PFKFB4: variants seen among roughly 807,000 people sequenced by gnomAD.
PFKFB4 encodes 6-phosphofructo-2-kinase/fructose-2,6-bisphosphatase 4.
PFKFB4 carries 42 observed loss-of-function variants against 62.8 expected under a neutral mutation model. That is an observed-to-expected ratio of 0.67 (90% CI 0.52 to 0.86). The LOEUF (loss-of-function observed/expected upper bound fraction) is 0.86, where lower values mean the gene tolerates loss of function less well. Among genes scored for constraint, PFKFB4 ranks in the 40% least tolerant of loss-of-function variants. PFKFB4 has a pLI of 0.00. For missense variants in PFKFB4, 475 were observed against 627.2 expected, an observed-to-expected ratio of 0.76 and a Z score of 2.59; for synonymous variants, 204 against 240.7, an observed-to-expected ratio of 0.85 and a Z score of 1.41.
At chr3:48,525,726 G>T in intron 9 of PFKFB4, 57 bp from the exon 10 acceptor site, 1 of 918,032 alleles carries the variant, frequency 1.1e-6, no homozygotes, top group Non-Finnish European at 1.7e-6. Flanking sequence ...GAGCCTTGGG[G>T]ACATGTGGGG....
At chr3:48,537,821 G>C (rs114084965) in intron 7 of PFKFB4, among the ~76,000 whole-genome samples, 1 of 151,988 alleles carries the variant, frequency 6.6e-6, no homozygotes, top group Non-Finnish European at 1.5e-5. Flanking sequence ...CACTCTGCCC[G>C]GCCCGTATTA....
At chr3:48,524,454 A>G (rs1175357615) in intron 10 of PFKFB4, among the ~76,000 whole-genome samples, 2 of 152,224 alleles carry the variant, frequency 1.3e-5, no homozygotes, top group East Asian at 3.8e-4. Flanking sequence ...ACGTGCCCCA[A>G]GCTTTGATTA....
intron 1 of PFKFB4, among the ~76,000 whole-genome samples, chr3:48,554,104 C>T (rs1431839239): frequency 6.6e-6 from 1 of 152,084 alleles, no homozygotes; most frequent in Non-Finnish European, 1.5e-5. Context: ...TCCACCAGCC[C>T]CTAGTGCCCT....
At chr3:48,549,825 C>A (rs768831238) in intron 3 of PFKFB4, 39 bp downstream of exon 3, 1 of 1,298,686 alleles carries the variant, frequency 7.7e-7, no homozygotes, top group Non-Finnish European at 1.1e-6. Flanking sequence ...ACTGGGTCCC[C>A]CAGCAACCTC....
chr3:48,542,605 T>A (rs2042835542), intron 4 of PFKFB4, among the ~76,000 whole-genome samples: 1 of 151,624 alleles, frequency 6.6e-6, no homozygotes, highest in South Asian at 2.1e-4. Flanking sequence ...ACAAACCACA[T>A]CACCTTGAAG....
chr3:48,546,882 A>C lies in PFKFB4; in HGVS notation c.311+2982T>G, dbSNP rs2042980682. The stretch of plus-strand genomic sequence containing the variant: ...ATTTCCCTGGCAGACAACATTTTAC[A>C]CATGTTGTCAATGTTCAATGCAGGA... On this transcript the variant is annotated intron_variant, in intron 3 of 13. Transcript: ENST00000232375. 3.3e-5 allele frequency among the ~76,000 whole-genome samples: 5 copies of C among 152,214 alleles called. No individual in the cohort carries two copies. The South Asian group carries it at 1.0e-3, about 31-fold the overall frequency.
At chr3:48,543,077 G>C (rs1278679711) in intron 4 of PFKFB4, among the ~76,000 whole-genome samples, 9 of 152,148 alleles carry the variant, frequency 5.9e-5, no homozygotes, top group African/African-American at 1.9e-4. Flanking sequence ...GGAAGGGAAA[G>C]AACAGCCCCT....
At chr3:48,560,958 A>T, upstream of PFKFB4, 1 of 459,094 alleles carries the variant, frequency 2.2e-6, no homozygotes, top group Non-Finnish European at 3.2e-6. Flanking sequence ...ACCAGGAGAG[A>T]CCCCCCAACA....
intron 9 of PFKFB4, among the ~76,000 whole-genome samples, chr3:48,530,319 A>G (rs2042392143): frequency 6.6e-6 from 1 of 152,130 alleles, no homozygotes; most frequent in Non-Finnish European, 1.5e-5. Flanking sequence ...GCCCAATTAC[A>G]TCGAAAAAAC....
At chr3:48,551,547 T>C (rs1182161528) in intron 1 of PFKFB4, among the ~76,000 whole-genome samples, 2 of 129,748 alleles carry the variant, frequency 1.5e-5, no homozygotes, top group Non-Finnish European at 3.2e-5. Flanking sequence ...TTTTTTTTTT[T>C]TTTTTGAGAG....
intron 12 of PFKFB4, among the ~76,000 whole-genome samples, 189 bp downstream of exon 12, chr3:48,523,348 C>T (rs2042155226): frequency 1.3e-5 from 2 of 152,154 alleles, no homozygotes; most frequent in Admixed American, 6.5e-5. Context: ...CACGCCATTG[C>T]ACTCCAGCCT....
intron 3 of PFKFB4, among the ~76,000 whole-genome samples, chr3:48,544,846 C>T (rs2042914377): frequency 6.6e-6 from 1 of 151,764 alleles, no homozygotes; most frequent in South Asian, 2.1e-4. Context: ...GCCTCAGCCA[C>T]CCAAGTACCA....
chr3:48,521,567 G>A lies in PFKFB4; in HGVS notation c.1350+419C>T, dbSNP rs2042095051. 1.3e-5 allele frequency among the ~76,000 whole-genome samples: 2 copies of A among 152,218 alleles called. No individual in the cohort carries two copies. The highest frequency in any genetic ancestry group is 4.1e-4 in the South Asian group (2 of 4,838). ...GGGCTCATGAGGCCTCGGCTGCAGG[G>A]ATGGGGAGTGGGAAGAGTGCCCACC... On this transcript the variant is annotated intron_variant, in intron 13 of 13. Coordinates refer to ENST00000232375, the MANE Select transcript of PFKFB4 (RefSeq NM_004567.4). The surrounding 1 kb of genome is among the most constrained non-coding windows in gnomAD (Gnocchi z 5.3).
At chr3:48,536,505 A>G (rs777993794) in intron 7 of PFKFB4, 42 bp from the exon 8 acceptor site, 23 of 1,519,702 alleles carry the variant, frequency 1.5e-5, no homozygotes, top group Non-Finnish European at 1.9e-5. Context: ...GAGCGTGGCC[A>G]GGGTTCTCAC....
Position 48,530,998 on chromosome 3 carries a change from C to T in PFKFB4, c.987+4514G>A, listed in dbSNP as rs189224418. Among the ~76,000 whole-genome samples, 410 of 152,048 alleles carry T rather than the reference C, an allele frequency of 2.7e-3. 3 individuals carry two copies. Among genetic ancestry groups the T allele is most frequent in the African/African-American group, 9.0e-3 (375 of 41,456 alleles). Reference sequence around the variant, plus strand: ...CTGGGATTGCAGGCATGAGCCACTGCGCCTGGCCTATGCTCTTTATTCTAA... The same window carrying T: ...CTGGGATTGCAGGCATGAGCCACTGTGCCTGGCCTATGCTCTTTATTCTAA... On this transcript the variant is annotated intron_variant, in intron 9 of 13. Transcript: ENST00000232375.
chr3:48,551,796 C>T (rs568333556), intron 1 of PFKFB4, among the ~76,000 whole-genome samples: 5 of 151,372 alleles, frequency 3.3e-5, no homozygotes, highest in Admixed American at 1.3e-4. Flanking sequence ...CTGCCTGCCT[C>T]GTCCTCCCAA....
chr3:48,559,905 CA>C (rs2043406662), upstream of PFKFB4: 1 of 93,104 alleles, frequency 1.1e-5, no homozygotes, highest in Non-Finnish European at 2.0e-5. Context: ...CCACCACACA[CA>C]CACACACACA....
At chr3:48,529,393 AT>A (rs2042363657) in intron 9 of PFKFB4, among the ~76,000 whole-genome samples, 1 of 152,258 alleles carries the variant, frequency 6.6e-6, no homozygotes. Flanking sequence ...TTAATGGATC[AT>A]AAAAACTGTA....
chr3:48,525,120 C>A (rs1353683573), intron 10 of PFKFB4, among the ~76,000 whole-genome samples: 1 of 152,168 alleles, frequency 6.6e-6, no homozygotes, highest in East Asian at 1.9e-4. Flanking sequence ...CTCCCCAACT[C>A]CCCAGCCATT....
Sources: gnomAD v4.1 joint callset for allele counts (sites outside exome capture counted in the v4.1 genomes callset) on GRCh38, gnomAD v4.1.1 for gene constraint, Gnocchi (gnomAD v3.1) non-coding constraint, MANE v1.5 for transcripts, NCBI Gene and HGNC (gene_info 2026-07-23, HGNC 2026-07-21) for gene names.